Variants in DHODH observed in about 807,000 individuals in gnomAD.
DHODH encodes dihydroorotate dehydrogenase (quinone), mitochondrial.
DHODH carries 30 observed loss-of-function variants against 39.7 expected under a neutral mutation model. The ratio of observed to expected loss-of-function variants is 0.76; its 90% CI spans 0.57 to 1.02. DHODH has a LOEUF of 1.02. Among genes scored for constraint, DHODH ranks in the 50% least tolerant of loss-of-function variants. The pLI is 0.00. For missense variants in DHODH, 531 were observed against 520.8 expected (o/e 1.02, Z -0.19); for synonymous variants, 222 against 213.8 (o/e 1.04, Z -0.34).
rs780838629 is a variant in DHODH, at chr16:72,012,104, T to G, written c.76T>G (p.Ser26Ala). The change falls in exon 2 of 9, where the codon TCC (serine) becomes GCC (alanine). Residue 26 changes from serine (S) to alanine (A), a missense_variant. Coordinates refer to ENST00000219240, the MANE Select transcript of DHODH (RefSeq NM_001361.5). ...GGGGGGAGGAGGACTTCTCTTCGCCTCCTACCTGATGGCCACGGGAGATGA... is the reference window on the plus strand; with the variant it reads ...GGGGGGAGGAGGACTTCTCTTCGCCGCCTACCTGATGGCCACGGGAGATGA... Reference protein sequence around the residue: ...ILGGGGLLFASYLMATGDERF... With the variant: ...ILGGGGLLFAAYLMATGDERF... 8.7e-6 allele frequency: 14 copies of G among 1,614,186 alleles called. No individual in the cohort carries two copies. In the South Asian group the frequency reaches 1.5e-4, roughly 18 times the overall value.
At chr16:72,010,875 C>T (rs1370340216) in intron 1 of DHODH, among the ~76,000 whole-genome samples, 1 of 152,044 alleles carries the variant, frequency 6.6e-6, no homozygotes, top group Non-Finnish European at 1.5e-5. Context: ...ACCGCAGGCG[C>T]ACCACCATGC....
chr16:72,018,970 G>C (rs940407368), intron 4 of DHODH, among the ~76,000 whole-genome samples: 1 of 152,144 alleles, frequency 6.6e-6, no homozygotes, highest in African/African-American at 2.4e-5. Context: ...TGGATTCTTT[G>C]TTTCTTTTGA....
chr16:72,020,373 T>TATATATATGTATATATATATATATA (rs1273739362), intron 4 of DHODH: 1 of 88,308 alleles, frequency 1.1e-5, no homozygotes, highest in African/African-American at 6.8e-5. Context: ...ATATATATAT[T>TATATATATGTATATATATATATATA]TTTTTTTTTT....
chr16:72,023,522 C>T lies in DHODH; in HGVS notation c.1022C>T (p.Ala341Val), dbSNP rs61733129. 0.028 allele frequency: 45,920 copies of T among 1,614,036 alleles called. 798 individuals are homozygous for T. Among genetic ancestry groups the T allele is most frequent in the East Asian group, 0.05 (2,254 of 44,870 alleles). ...GVGGVSSGQD[A>V]LEKIRAGASL... ...GGTGGTGTGAGCAGCGGGCAGGACG[C>T]GCTGGAGAAGATCCGGGCAGGGGCC... Residue 341 changes from alanine (A) to valine (V), a missense_variant, in exon 8 of 9, where the codon GCG becomes GTG. Ala to Val is a moderately conservative substitution (Grantham distance 64). Transcript: ENST00000219240.
intron 4 of DHODH, among the ~76,000 whole-genome samples, chr16:72,017,864 C>T (rs558660249): frequency 4.0e-5 from 6 of 148,324 alleles, no homozygotes; most frequent in Admixed American, 2.1e-4. Flanking sequence ...CTCTGCTTCC[C>T]GCGTTCTCAC....
Position 72,024,486 on chromosome 16 carries a change from TA to T in DHODH, c.*290del, listed in dbSNP as rs2041258677. 2.1e-6 allele frequency: 1 copy of T among 485,588 alleles called. No homozygotes were observed. The highest frequency in any genetic ancestry group is 3.9e-5 in the East Asian group (1 of 25,526). 30.1% of individuals were successfully genotyped at this position (485,588 alleles called of 1,614,324 possible). On this transcript the variant is annotated 3_prime_UTR_variant, in exon 9 of 9. Transcript: ENST00000219240. ...TAGGAGGAAAAAGTCATGGAAAAAA[TA>T]AAGCCATTTAGAACCTGGGTTTCAA...
Position 72,008,783 on chromosome 16 carries a change from A to C in DHODH, c.19A>C (p.Lys7Gln), listed in dbSNP as rs3213422. The change falls in exon 1 of 9, where the codon AAA (lysine) becomes CAA (glutamine). Residue 7 changes from lysine to glutamine, a missense_variant and splice_region_variant. Physicochemically the swap from Lys to Gln is moderately conservative, Grantham distance 53 (BLOSUM62 1). Transcript: ENST00000219240. Reference sequence around the variant, plus strand: ...AAGGAGCATGGCGTGGAGACACCTGAAAGTGAGTCCCGCGAGTGAGCAGTG... The same window carrying C: ...AAGGAGCATGGCGTGGAGACACCTGCAAGTGAGTCCCGCGAGTGAGCAGTG... MAWRHL[K>Q]KRAQDAVIIL... 812,261 of 1,551,792 alleles carry C rather than the reference A, an allele frequency of 0.52. 214,917 individuals carry two copies. Among genetic ancestry groups the C allele is most frequent in the East Asian group, 0.72 (29,378 of 40,930 alleles).
chr16:72,009,192 C>A, intron 1 of DHODH: 1 of 1,041,946 alleles, frequency 9.6e-7, no homozygotes, highest in Non-Finnish European at 1.2e-6. Context: ...AAGTTCTTAG[C>A]TGTATCCCCG....
rs1402003672 is a variant in DHODH, at chr16:72,025,084, C to T, written c.*885C>T. Reference sequence around the variant, plus strand: ...GCTGAGTCATTGGTGCCTTATTCTTCAGTGTTTCAGTCTGTATCTCCTAAG... The same window carrying T: ...GCTGAGTCATTGGTGCCTTATTCTTTAGTGTTTCAGTCTGTATCTCCTAAG... On this transcript the variant is annotated 3_prime_UTR_variant, in exon 9 of 9. Transcript: ENST00000219240. The T allele has an allele frequency of 6.6e-6, 1 of 152,218 alleles. No individual in the cohort carries two copies. Among genetic ancestry groups the T allele is most frequent in the Admixed American group, 6.5e-5 (1 of 15,288 alleles). 9.4% of individuals were successfully genotyped at this position (152,218 alleles called of 1,614,324 possible). A position where few individuals can be genotyped will look rare whatever the true frequency, so the allele number is the denominator to read the frequency against.
At position 72,024,151 on chromosome 16, in the gene DHODH, G is replaced by A. The variant is rs1187156605; in HGVS notation, c.1140G>A (p.Gln380=). The A allele has an allele frequency of 1.2e-6, 2 of 1,614,110 alleles. No individual in the cohort carries two copies. Among genetic ancestry groups the A allele is most frequent in the African/African-American group, 2.7e-5 (2 of 74,938 alleles). The change falls in exon 9 of 9, where the codon CAG becomes CAA. Residue 380 remains glutamine, a synonymous_variant. Transcript: ENST00000219240. ...TTGTTTGCTCTTTTTCCAGAGAGCA[G>A]GGCTTTGGCGGAGTCACAGATGCCA... The part of the protein sequence containing the change: ...KRELEALLKE[Q]GFGGVTDAIG...
At chr16:72,014,160 GAA>G (rs1423262834) in intron 2 of DHODH, among the ~76,000 whole-genome samples, 1 of 152,176 alleles carries the variant, frequency 6.6e-6, no homozygotes, top group Non-Finnish European at 1.5e-5. Flanking sequence ...ACCACAATTG[GAA>G]AAGACAGTGC....
chr16:72,012,143 G>A lies in DHODH; in HGVS notation c.115G>A (p.Glu39Lys). The A allele has an allele frequency of 6.2e-7, 1 of 1,614,118 alleles. No individual in the cohort carries two copies. The highest frequency in any genetic ancestry group is 1.1e-5 in the South Asian group (1 of 91,078). The change falls in exon 2 of 9, where the codon GAA becomes AAA. Residue 39 changes from glutamate to lysine, a missense_variant. Physicochemically the swap from Glu to Lys is moderately conservative, Grantham distance 56 (BLOSUM62 1). Transcript: ENST00000219240. ...CACGGGAGATGAGCGTTTCTATGCT[G>A]AACACCTGATGCCGACTCTGCAGGG... ...MATGDERFYA[E>K]HLMPTLQGLL... is the part of the protein sequence containing the mutation.
intron 5 of DHODH, 30 bp downstream of exon 5, chr16:72,021,341 G>C: frequency 6.4e-7 from 1 of 1,573,650 alleles, no homozygotes; most frequent in Non-Finnish European, 8.6e-7. Context: ...TCCAGGCCCT[G>C]TCCCACCAGC....
rs546416162 is a variant in DHODH, at chr16:72,021,174, G to A, written c.568G>A (p.Ala190Thr). The stretch of plus-strand genomic sequence containing the variant: ...GGGGAAGAACAAGACCTCAGTGGAC[G>A]CCGCGGAGGACTACGCAGAAGGGGT... ...NLGKNKTSVDAAEDYAEGVRV... is the reference protein window; with the variant it reads ...NLGKNKTSVDTAEDYAEGVRV... Residue 190 changes from alanine to threonine, a missense_variant, in exon 5 of 9, where the codon GCC (alanine) becomes ACC (threonine). By Grantham distance (58) the Ala-to-Thr change is moderately conservative (BLOSUM62 0). Transcript: ENST00000219240. 65 of 1,609,334 alleles carry A rather than the reference G, an allele frequency of 4.0e-5. No homozygotes were observed. Among genetic ancestry groups the A allele is most frequent in the East Asian group, 8.9e-5 (4 of 44,710 alleles).
At chr16:72,017,282 A>C (rs192686562) in intron 4 of DHODH, among the ~76,000 whole-genome samples, 176 bp downstream of exon 4, 2 of 152,230 alleles carry the variant, frequency 1.3e-5, no homozygotes, top group Non-Finnish European at 2.9e-5. Context: ...CCAAGAGTTT[A>C]ACTGGATTTT....
At position 72,023,577 on chromosome 16, in the gene DHODH, C is replaced by T. The variant is rs1229270131; in HGVS notation, c.1077C>T (p.Thr359=). ...ASLVQLYTAL[T]FWGPPVVGKV... is the part of the protein sequence containing the mutation. ...TGGTGCAGCTGTACACGGCCCTCAC[C>T]TTCTGGGGGCCACCCGTTGTGGGCA... The change falls in exon 8 of 9, where the codon ACC becomes ACT. Residue 359 remains threonine (T), a synonymous_variant. Transcript: ENST00000219240. 6.2e-7 allele frequency: 1 copy of T among 1,614,130 alleles called. No homozygotes were observed. Among genetic ancestry groups the T allele is most frequent in the Admixed American group, 1.7e-5 (1 of 60,028 alleles).
intron 1 of DHODH, among the ~76,000 whole-genome samples, chr16:72,010,760 G>C (rs905982716): frequency 6.6e-6 from 1 of 152,150 alleles, no homozygotes; most frequent in African/African-American, 2.4e-5. Flanking sequence ...GAGAGAGTCT[G>C]ACTCTGTCGC....
intron 5 of DHODH, 62 bp downstream of exon 5, chr16:72,021,373 A>G (rs1567573498): frequency 6.6e-7 from 1 of 1,522,050 alleles, no homozygotes; most frequent in Admixed American, 1.9e-5. Flanking sequence ...GCTCCCCTTC[A>G]TTCTCCAGGG....
intron 1 of DHODH, 31 bp from the exon 2 acceptor site, chr16:72,012,019 G>A: frequency 1.9e-6 from 3 of 1,605,518 alleles, no homozygotes; most frequent in African/African-American, 1.3e-5. Context: ...GCCTGGCCTG[G>A]GGGACCCCCC....
Sources: allele counts gnomAD v4.1 joint callset (sites outside exome capture counted in the v4.1 genomes callset), GRCh38; gene constraint gnomAD v4.1.1; transcripts MANE v1.5; gene names NCBI Gene and HGNC (gene_info 2026-07-23, HGNC 2026-07-21).